Variants in IMMP2L observed in about 807,000 individuals in gnomAD.
IMMP2L encodes inner mitochondrial membrane peptidase subunit 2, also known as mitochondrial inner membrane protease subunit 2.
IMMP2L carries 18 observed loss-of-function variants against 19.3 expected under a neutral mutation model. The ratio of observed to expected loss-of-function variants is 0.93; its 90% CI spans 0.64 to 1.38. The LOEUF (loss-of-function observed/expected upper bound fraction) is 1.38. Ranked by LOEUF, IMMP2L falls within the 40% of genes most tolerant of loss-of-function variation. IMMP2L has a pLI of 0.00. For missense variants in IMMP2L, 233 were observed against 218.2 expected (o/e 1.07, Z -0.43); for synonymous variants, 76 against 73.0 (o/e 1.04, Z -0.21).
chr7:111,358,666 G>T (rs1222045353), intron 3 of IMMP2L, among the ~76,000 whole-genome samples: 1 of 152,050 alleles, frequency 6.6e-6, no homozygotes, highest in Admixed American at 6.6e-5. Context: ...AATTATGCAT[G>T]GGTGAAATTT....
At position 111,123,226 on chromosome 7, in the gene IMMP2L, C is replaced by G. The variant is rs1434236178; in HGVS notation, c.240-159661G>C. On this transcript the variant is annotated intron_variant, in intron 3 of 5. Coordinates refer to ENST00000405709, the MANE Select transcript of IMMP2L (RefSeq NM_032549.4). This position sits in a 1 kb window ranked among gnomAD's most constrained non-coding sequence, Gnocchi z 6.4. ...AGAACTCTATATTAATCACAACTTG[C>G]TTTCTACAATTTCACCTGGAGCCTT... 6.2e-7 allele frequency: 1 copy of G among 1,613,756 alleles called. No homozygotes were observed. Among genetic ancestry groups the G allele is most frequent in the Non-Finnish European group, 8.5e-7 (1 of 1,179,926 alleles).
intron 3 of IMMP2L, among the ~76,000 whole-genome samples, chr7:111,170,151 G>A (rs1278583064): frequency 2.0e-5 from 3 of 151,602 alleles, no homozygotes; most frequent in East Asian, 3.9e-4. Context: ...TTGCCATTTG[G>A]AAGAAAAAAA....
chr7:111,366,178 C>T (rs969623285), intron 3 of IMMP2L, among the ~76,000 whole-genome samples: 8 of 151,838 alleles, frequency 5.3e-5, no homozygotes, highest in African/African-American at 1.9e-4. Flanking sequence ...AATAGAGAAA[C>T]TAGACAGTAC....
At chr7:111,532,522 T>TG (rs772445037) in intron 1 of IMMP2L, 12 of 152,148 alleles carry the variant, frequency 7.9e-5, no homozygotes, top group Non-Finnish European at 1.3e-4. Flanking sequence ...ACTTACAACA[T>TG]GGCTTTTCCT....
intron 3 of IMMP2L, among the ~76,000 whole-genome samples, chr7:111,244,734 A>G (rs1815557640): frequency 9.1e-4 from 1 of 1,096 alleles, no homozygotes; most frequent in Non-Finnish European, 1.4e-3. Context: ...CTTTCTACAT[A>G]TGGCTAGCCA....
intron 5 of IMMP2L, among the ~76,000 whole-genome samples, chr7:110,742,361 GA>G (rs1562949840): frequency 6.6e-6 from 1 of 152,028 alleles, no homozygotes; most frequent in East Asian, 1.9e-4. Flanking sequence ...ATGATATCAT[GA>G]AAATTTTATA....
At chr7:110,911,681 C>T (rs191391312) in intron 4 of IMMP2L, among the ~76,000 whole-genome samples, 1,683 of 152,190 alleles carry the variant, frequency 0.011, 16 homozygotes, top group Non-Finnish European at 0.015. Context: ...TTTTTCCTTT[C>T]CCATTTTGAC....
intron 2 of IMMP2L, among the ~76,000 whole-genome samples, chr7:111,513,360 A>G (rs115196942): frequency 3.3e-5 from 5 of 152,150 alleles, no homozygotes; most frequent in Non-Finnish European, 4.4e-5. Flanking sequence ...AAAATATTCA[A>G]TATCACTAAT....
chr7:111,343,211 T>G (rs1362146252), intron 3 of IMMP2L, among the ~76,000 whole-genome samples: 5 of 152,114 alleles, frequency 3.3e-5, no homozygotes, highest in Non-Finnish European at 2.9e-5. Context: ...AAGTCATGCC[T>G]CTTCTAAAAA....
chr7:111,229,336 G>A (rs891458512), intron 3 of IMMP2L, among the ~76,000 whole-genome samples: 2 of 151,852 alleles, frequency 1.3e-5, no homozygotes, highest in East Asian at 1.9e-4. Flanking sequence ...TAAGTGATAC[G>A]TATGTATCCA....
chr7:111,194,461 T>C (rs764120451), intron 3 of IMMP2L, among the ~76,000 whole-genome samples: 1 of 152,102 alleles, frequency 6.6e-6, no homozygotes, highest in Non-Finnish European at 1.5e-5. Flanking sequence ...TACACCTGTT[T>C]ATAACATTTG....
At chr7:110,732,114 C>T (rs1025475378) in intron 5 of IMMP2L, among the ~76,000 whole-genome samples, 8 of 152,016 alleles carry the variant, frequency 5.3e-5, no homozygotes, top group African/African-American at 1.2e-4. Flanking sequence ...ACATGTATGA[C>T]GGTGAAGTTC....
chr7:111,057,051 C>G (rs1322248445), intron 3 of IMMP2L, among the ~76,000 whole-genome samples: 1 of 152,156 alleles, frequency 6.6e-6, no homozygotes, highest in African/African-American at 2.4e-5. Context: ...TTTTTACTCA[C>G]AGATATGATT....
chr7:111,009,163 G>A (rs1020382706), intron 3 of IMMP2L, among the ~76,000 whole-genome samples: 1 of 151,992 alleles, frequency 6.6e-6, no homozygotes. Flanking sequence ...CTCTCTAAAA[G>A]CGATTTAAAA....
At chr7:110,897,426 C>T (rs866176857) in intron 4 of IMMP2L, among the ~76,000 whole-genome samples, 1 of 152,272 alleles carries the variant, frequency 6.6e-6, no homozygotes, top group Non-Finnish European at 1.5e-5. Context: ...GTAAACATGA[C>T]TCTATAGCCA....
At chr7:111,322,629 G>C (rs746121323) in intron 3 of IMMP2L, among the ~76,000 whole-genome samples, 6 of 151,408 alleles carry the variant, frequency 4.0e-5, no homozygotes, top group Non-Finnish European at 8.8e-5. Flanking sequence ...ACTAATATTA[G>C]TAATATTAAT....
intron 3 of IMMP2L, among the ~76,000 whole-genome samples, chr7:110,991,243 G>A (rs1318489940): frequency 6.6e-6 from 1 of 151,994 alleles, no homozygotes; most frequent in Non-Finnish European, 1.5e-5. Context: ...GTTTCTTGAG[G>A]CTCCCACCAT....
intron 3 of IMMP2L, among the ~76,000 whole-genome samples, chr7:111,323,231 A>T (rs1165475476): frequency 6.6e-6 from 1 of 151,968 alleles, no homozygotes; most frequent in East Asian, 1.9e-4. Flanking sequence ...AAATTTCTGC[A>T]ATCTACTCAT....
At chr7:110,744,699 A>G (rs1365089848) in intron 5 of IMMP2L, among the ~76,000 whole-genome samples, 2 of 152,234 alleles carry the variant, frequency 1.3e-5, no homozygotes, top group African/African-American at 2.4e-5. Flanking sequence ...TAGGAATAGT[A>G]TCAACATCAA....
Sources: gnomAD v4.1 joint callset for allele counts (sites outside exome capture counted in the v4.1 genomes callset) on GRCh38, gnomAD v4.1.1 for gene constraint, Gnocchi (gnomAD v3.1) non-coding constraint, MANE v1.5 for transcripts, NCBI Gene and HGNC (gene_info 2026-07-23, HGNC 2026-07-21) for gene names.